The following CPNE8 variants were observed in gnomAD, a reference collection of about 807,000 sequenced individuals.
CPNE8 encodes the protein copine 8, also known as copine-8.
In CPNE8, 45 loss-of-function variants were observed where a neutral mutation model predicts 81.5. That is an observed-to-expected ratio of 0.55 (90% CI 0.44 to 0.71). The LOEUF is 0.71. Among genes scored for constraint, CPNE8 ranks in the 30% least tolerant of loss-of-function variants. CPNE8 has a pLI of 0.00. For missense variants in CPNE8, 594 were observed against 672.1 expected (o/e 0.88, Z 1.28); for synonymous variants, 252 against 226.3 (o/e 1.11, Z -1.02).
At chr12:38,695,171 C>T (rs1939766517) in intron 14 of CPNE8, among the ~76,000 whole-genome samples, 1 of 152,184 alleles carries the variant, frequency 6.6e-6, no homozygotes, top group Admixed American at 6.5e-5. Context: ...CTTTAGAAAA[C>T]TTGCAATTGT....
intron 6 of CPNE8, among the ~76,000 whole-genome samples, chr12:38,788,004 A>G (rs1045017580): frequency 2.7e-5 from 4 of 150,540 alleles, no homozygotes; most frequent in African/African-American, 9.7e-5. Flanking sequence ...CCAGGACCCA[A>G]TGGCTTCACT....
At chr12:38,756,056 G>A (rs757797541) in intron 10 of CPNE8, among the ~76,000 whole-genome samples, 953 of 64,812 alleles carry the variant, frequency 0.015, 7 homozygotes, top group Middle Eastern at 0.049. Context: ...AAAAAAAAAA[G>A]AACAGGTAAC....
intron 7 of CPNE8, 45 bp downstream of exon 7, chr12:38,776,193 T>G: frequency 1.0e-6 from 1 of 984,414 alleles, no homozygotes; most frequent in Non-Finnish European, 1.5e-6. Flanking sequence ...GATATAGCAT[T>G]TGAAGTATGG....
intron 6 of CPNE8, among the ~76,000 whole-genome samples, chr12:38,782,181 T>C (rs1942067256): frequency 6.6e-6 from 1 of 152,174 alleles, no homozygotes; most frequent in South Asian, 2.1e-4. Context: ...TCTGTACTAT[T>C]GTAACTTTTC....
chr12:38,832,366 C>T (rs888625063), intron 5 of CPNE8, among the ~76,000 whole-genome samples: 12 of 152,160 alleles, frequency 7.9e-5, no homozygotes, highest in East Asian at 3.8e-4. Flanking sequence ...GCTCCACCAG[C>T]GCAGGGCAAT....
intron 1 of CPNE8, among the ~76,000 whole-genome samples, chr12:38,879,341 A>G (rs746205345): frequency 2.6e-5 from 4 of 151,800 alleles, no homozygotes; most frequent in Non-Finnish European, 5.9e-5. Flanking sequence ...CTTTTTGCCA[A>G]CTACATCCCA....
intron 14 of CPNE8, among the ~76,000 whole-genome samples, chr12:38,701,473 TTC>T (rs527992078): frequency 4.1e-4 from 63 of 152,046 alleles, no homozygotes; most frequent in Non-Finnish European, 7.6e-4. Context: ...TAGGTATTAT[TTC>T]TTTTTGTTTG....
At chr12:38,876,153 T>A (rs558834504) in intron 1 of CPNE8, among the ~76,000 whole-genome samples, 2 of 152,078 alleles carry the variant, frequency 1.3e-5, no homozygotes, top group African/African-American at 4.8e-5. Flanking sequence ...TAAAAAAAAA[T>A]AAACTACAAG....
At chr12:38,691,894 A>T (rs1939682970) in intron 15 of CPNE8, among the ~76,000 whole-genome samples, 1 of 152,184 alleles carries the variant, frequency 6.6e-6, no homozygotes, top group South Asian at 2.1e-4. Context: ...ACTAGCTCTT[A>T]AAGGCCTCAC....
In CPNE8 at chr12:38,693,856, A is replaced by G. The variant is rs1310035922; in HGVS notation, c.962-18T>C. ...AGGGTTGCCTGATGACAGAACACAT[A>G]TTTCAAACATAAGCAATTAGGGTAA... On this transcript the variant is annotated intron_variant, in intron 14 of 19. Transcript: ENST00000331366. The G allele has an allele frequency of 3.2e-6, 5 of 1,557,500 alleles. No homozygotes were observed. In the African/African-American group the frequency reaches 5.5e-5, roughly 17 times the overall value.
In CPNE8 at chr12:38,693,587, G is replaced by A. The variant is rs1939726427; in HGVS notation, c.1143+70C>T. The A allele has an allele frequency of 3.7e-6, 5 of 1,346,884 alleles. No individual in the cohort carries two copies. The Admixed American group carries it at 6.0e-5, about 16-fold the overall frequency. 83.4% of individuals were successfully genotyped at this position (1,346,884 alleles called of 1,614,324 possible). Reference sequence around the variant, plus strand: ...TGCTACTTGACTGACTAAAGAATAAGTACCAAAGCAATATTAAAAGGTCTA... The same window carrying A: ...TGCTACTTGACTGACTAAAGAATAAATACCAAAGCAATATTAAAAGGTCTA... On this transcript the variant is annotated intron_variant, in intron 15 of 19. Coordinates refer to ENST00000331366, the MANE Select transcript of CPNE8 (RefSeq NM_153634.3).
chr12:38,738,115 C>T (rs2136784583), intron 10 of CPNE8, among the ~76,000 whole-genome samples: 1 of 152,224 alleles, frequency 6.6e-6, no homozygotes, highest in African/African-American at 2.4e-5. Context: ...GGCCACCAGT[C>T]TACATACTGT....
At chr12:38,735,907 T>G (rs1175033052) in intron 10 of CPNE8, among the ~76,000 whole-genome samples, 1 of 151,788 alleles carries the variant, frequency 6.6e-6, no homozygotes, top group Non-Finnish European at 1.5e-5. Flanking sequence ...ATATAAGATA[T>G]GTATCAATGT....
chr12:38,814,611 A>G (rs191435006), intron 6 of CPNE8, among the ~76,000 whole-genome samples: 115 of 152,084 alleles, frequency 7.6e-4, no homozygotes, highest in Non-Finnish European at 1.3e-3. Flanking sequence ...CTATTGATTT[A>G]GGGTGGGCTA....
chr12:38,842,015 A>G (rs1404969428), intron 4 of CPNE8, among the ~76,000 whole-genome samples: 1 of 148,838 alleles, frequency 6.7e-6, no homozygotes, highest in East Asian at 1.9e-4. Context: ...TACTTTAATA[A>G]TTAAATTTTA....
At chr12:38,766,385 A>T (rs1337152614) in intron 8 of CPNE8, among the ~76,000 whole-genome samples, 1 of 152,158 alleles carries the variant, frequency 6.6e-6, no homozygotes, top group East Asian at 1.9e-4. Flanking sequence ...ATGCCTGGCA[A>T]ATATTATTTT....
chr12:38,785,048 A>T (rs545282426), intron 6 of CPNE8, among the ~76,000 whole-genome samples: 11 of 152,256 alleles, frequency 7.2e-5, no homozygotes, highest in Middle Eastern at 3.4e-3. Flanking sequence ...TACAAAAATT[A>T]GCTGGGTGCG....
At chr12:38,816,601 G>A (rs1048103649) in intron 6 of CPNE8, among the ~76,000 whole-genome samples, 1 of 152,134 alleles carries the variant, frequency 6.6e-6, no homozygotes, top group Non-Finnish European at 1.5e-5. Context: ...TAGTATGAAA[G>A]AAAGGGGAGA....
chr12:38,703,834 C>T (rs914534106), intron 13 of CPNE8, among the ~76,000 whole-genome samples: 43 of 152,084 alleles, frequency 2.8e-4, no homozygotes, highest in African/African-American at 1.0e-3. Context: ...AGAATGCAAT[C>T]CCATTCACAA....
Sources: allele counts gnomAD v4.1 joint callset (sites outside exome capture counted in the v4.1 genomes callset), GRCh38; gene constraint gnomAD v4.1.1; transcripts MANE v1.5; gene names NCBI Gene and HGNC (gene_info 2026-07-23, HGNC 2026-07-21).